DDHD2: variants seen among roughly 807,000 people sequenced by gnomAD.
The protein encoded by DDHD2 is DDHD domain containing 2.
A neutral mutation model predicts 91.2 loss-of-function variants in DDHD2; 62 were observed. The ratio of observed to expected loss-of-function variants is 0.68; its 90% confidence interval spans 0.55 to 0.84. The LOEUF (loss-of-function observed/expected upper bound fraction) is 0.84, where lower values mean the gene tolerates loss of function less well. DDHD2 is among the 40% of genes least tolerant of loss of function. DDHD2 has a pLI of 0.00. For missense variants in DDHD2, 740 were observed against 846.9 expected, an observed-to-expected ratio of 0.87 and a Z score of 1.57; for synonymous variants, 271 against 293.9, an observed-to-expected ratio of 0.92 and a Z score of 0.80.
At chr8:38,236,179 A>AT (rs1358472024) in intron 3 of DDHD2, among the ~76,000 whole-genome samples, 1 of 148,520 alleles carries the variant, frequency 6.7e-6, no homozygotes, top group Non-Finnish European at 1.5e-5. Context: ...CGCCCAGCTA[A>AT]TTTTTTGTAT....
chr8:38,250,577 T>C (rs2130840743), intron 11 of DDHD2: 1 of 152,298 alleles, frequency 6.6e-6, no homozygotes, highest in East Asian at 1.9e-4. Context: ...AAAAGTATTA[T>C]TAGCTTCAGA....
chr8:38,241,065 CAA>C (rs1176378276), intron 6 of DDHD2, among the ~76,000 whole-genome samples: 16 of 50,514 alleles, frequency 3.2e-4, no homozygotes, highest in Non-Finnish European at 4.6e-4. Flanking sequence ...AGTGAGACCT[CAA>C]AAAAAAAAAA....
rs1050894616 is a variant in DDHD2, at chr8:38,245,968, G to C, written c.1057+18G>C. ...TAGTTTAGGTAACAAAATGAGTTCTGTGTGACCAGAGAAGACTATCACATT... is the reference window on the plus strand; with the variant it reads ...TAGTTTAGGTAACAAAATGAGTTCTCTGTGACCAGAGAAGACTATCACATT... On this transcript the variant is annotated intron_variant, in intron 8 of 17. Coordinates refer to ENST00000397166, the MANE Select transcript of DDHD2 (RefSeq NM_015214.3). 3.8e-6 allele frequency: 6 copies of C among 1,599,190 alleles called. No individual in the cohort carries two copies. In the African/African-American group the frequency reaches 4.0e-5, roughly 11 times the overall value.
Position 38,247,828 on chromosome 8 carries a change from A to C in DDHD2, c.1241A>C (p.Glu414Ala). Residue 414 changes from glutamate to alanine, a missense_variant, in exon 10 of 18, where the codon GAA becomes GCA. Glu to Ala is a moderately radical substitution (Grantham distance 107, BLOSUM62 -1). Around this residue, in one of 2 missense-constraint regions of DDHD2, gnomAD observed 693 missense variants for 764.2 expected, o/e 0.91. Coordinates refer to ENST00000397166, the MANE Select transcript of DDHD2 (RefSeq NM_015214.3). Reference protein sequence around the residue: ...DIFEKEKVDKEALALCTDRDL... With the variant: ...DIFEKEKVDKAALALCTDRDL... ...TTTGAGAAGGAGAAAGTAGATAAGG[A>C]AGCTCTGGTAAAAATAATCTTTTAA... The C allele has an allele frequency of 6.4e-7, 1 of 1,559,618 alleles. No homozygotes were observed. Among genetic ancestry groups the C allele is most frequent in the African/African-American group, 1.4e-5 (1 of 71,546 alleles).
At chr8:38,264,736 T>C (rs918158582), downstream of DDHD2, 25 of 1,445,328 alleles carry the variant, frequency 1.7e-5, no homozygotes, top group East Asian at 1.2e-4. Flanking sequence ...TCCAGACTTA[T>C]GATTTCTAAA....
chr8:38,238,980 G>GT (rs2130777559), intron 5 of DDHD2: 1 of 152,418 alleles, frequency 6.6e-6, no homozygotes, highest in Non-Finnish European at 1.5e-5. Flanking sequence ...TAAAGCAAAT[G>GT]TAATTGTTAA....
chr8:38,267,542 A>C (rs940105725), downstream of DDHD2: 4 of 892,962 alleles, frequency 4.5e-6, no homozygotes, highest in South Asian at 7.3e-5. Context: ...CCACACTAAG[A>C]GAAAAGCCTT....
chr8:38,239,772 G>C (rs1805101228), intron 5 of DDHD2, among the ~76,000 whole-genome samples: 1 of 148,434 alleles, frequency 6.7e-6, no homozygotes, highest in African/African-American at 2.5e-5. Flanking sequence ...ACCCAGGCTG[G>C]AGTGCAGTGG....
chr8:38,237,870 A>G (rs917020391), intron 4 of DDHD2, among the ~76,000 whole-genome samples: 2 of 152,200 alleles, frequency 1.3e-5, no homozygotes, highest in Admixed American at 1.3e-4. Flanking sequence ...CTGACATATT[A>G]TGTGAGCATG....
intron 11 of DDHD2, 119 bp from the exon 12 acceptor site, chr8:38,251,793 T>G (rs1033839905): frequency 3.0e-6 from 2 of 660,516 alleles, no homozygotes; most frequent in African/African-American, 3.6e-5. Context: ...ACGTTGGACT[T>G]GAACTCTTGG....
At chr8:38,247,185 T>G (rs1207439590) in intron 9 of DDHD2, 2 of 150,570 alleles carry the variant, frequency 1.3e-5, no homozygotes, top group African/African-American at 4.9e-5. Flanking sequence ...CAGGCTGGAA[T>G]GCAGTGGCAT....
chr8:38,252,117 T>C lies in DDHD2; in HGVS notation c.1462-15T>C. ...TTGTTATTAATGAGAGATGCTTTTA[T>C]TTTCCTCCTTTGAGGTGTCTGTGAA... On this transcript the variant is annotated splice_polypyrimidine_tract_variant and intron_variant, in intron 12 of 17. Coordinates refer to ENST00000397166, the MANE Select transcript of DDHD2 (RefSeq NM_015214.3). 1 of 1,612,762 alleles carries C rather than the reference T, an allele frequency of 6.2e-7. No individual in the cohort carries two copies. Among genetic ancestry groups the C allele is most frequent in the Admixed American group, 1.7e-5 (1 of 59,766 alleles).
chr8:38,265,330 A>G (rs1331144728), downstream of DDHD2, among the ~76,000 whole-genome samples: 1 of 152,008 alleles, frequency 6.6e-6, no homozygotes, highest in Non-Finnish European at 1.5e-5. Context: ...AAAATTTAAA[A>G]TAGGGTTCCT....
chr8:38,248,622 C>T (rs1056115385), intron 10 of DDHD2, among the ~76,000 whole-genome samples: 1 of 151,964 alleles, frequency 6.6e-6, no homozygotes, highest in Admixed American at 6.6e-5. Context: ...AACCTGGTCT[C>T]ATAAGGTGCA....
chr8:38,252,713 C>T lies in DDHD2; in HGVS notation c.1618-9C>T, dbSNP rs1189542712. ...AGAGGTAAATGTAGCTCTTGTTTTTCCTATGTAGTTTGATCCTGTGGCCTA... is the reference window on the plus strand; with the variant it reads ...AGAGGTAAATGTAGCTCTTGTTTTTTCTATGTAGTTTGATCCTGTGGCCTA... On this transcript the variant is annotated splice_polypyrimidine_tract_variant and intron_variant, in intron 13 of 17. Coordinates refer to ENST00000397166, the MANE Select transcript of DDHD2 (RefSeq NM_015214.3). 3.1e-6 allele frequency: 5 copies of T among 1,601,936 alleles called. No individual in the cohort carries two copies. Among genetic ancestry groups the T allele is most frequent in the Non-Finnish European group, 3.4e-6 (4 of 1,170,244 alleles).
chr8:38,268,153 G>T, intron 1 of DDHD2: 1 of 1,347,948 alleles, frequency 7.4e-7, no homozygotes, highest in Non-Finnish European at 9.9e-7. Flanking sequence ...AGACATTTCT[G>T]AGGTACAAAT....
At chr8:38,266,744 T>A (rs1234320243), downstream of DDHD2, among the ~76,000 whole-genome samples, 1 of 152,106 alleles carries the variant, frequency 6.6e-6, no homozygotes, top group Non-Finnish European at 1.5e-5. Flanking sequence ...ATAGTGTAAG[T>A]CATTGTGAAG....
rs1364118825 is a variant in DDHD2, at chr8:38,252,027, A to G, written c.1460A>G (p.Gln487Arg). Residue 487 changes from glutamine (Q) to arginine (R), a missense_variant and splice_region_variant, in exon 12 of 18, where the codon CAG becomes CGG. Gln to Arg is a conservative substitution (Grantham distance 43). This residue lies in a region of DDHD2 where 693 missense variants were observed against 764.2 expected (regional missense o/e 0.91). Transcript: ENST00000397166. ...GACTATCTGGATGTTGGCATTGGGCAGGTAACTAATTCTCTTTGATCATTT... is the reference window on the plus strand; with the variant it reads ...GACTATCTGGATGTTGGCATTGGGCGGGTAACTAATTCTCTTTGATCATTT... ...NGDYLDVGIGQVSVKYPRLIY... is the reference protein window; with the variant it reads ...NGDYLDVGIGRVSVKYPRLIY... The G allele has an allele frequency of 1.9e-6, 3 of 1,612,878 alleles. No individual in the cohort carries two copies. Among genetic ancestry groups the G allele is most frequent in the Non-Finnish European group, 2.5e-6 (3 of 1,178,798 alleles).
At position 38,246,418 on chromosome 8, in the gene DDHD2, A is replaced by C. The variant is rs1423518906; in HGVS notation, c.1125+118A>C. Reference sequence around the variant, plus strand: ...TTTCATGTCATGACATTACATTTACACTTATTTTCATTTTAACAGACTTTT... The same window carrying C: ...TTTCATGTCATGACATTACATTTACCCTTATTTTCATTTTAACAGACTTTT... On this transcript the variant is annotated intron_variant, in intron 9 of 17. Coordinates refer to ENST00000397166, the MANE Select transcript of DDHD2 (RefSeq NM_015214.3). 7 of 677,660 alleles carry C rather than the reference A, an allele frequency of 1.0e-5. No homozygotes were observed. The Admixed American group carries it at 2.2e-4, about 21-fold the overall frequency. The allele number at this position is 677,660 out of a possible 1,614,324, so 42.0% of individuals were successfully genotyped here. A position where few individuals can be genotyped will look rare whatever the true frequency, so the allele number is the denominator to read the frequency against.
Sources: allele counts gnomAD v4.1 joint callset (sites outside exome capture counted in the v4.1 genomes callset), GRCh38; gene constraint gnomAD v4.1.1; regional missense constraint gnomAD v4.1.1; transcripts MANE v1.5; gene names NCBI Gene and HGNC (gene_info 2026-07-23, HGNC 2026-07-21).